TMEM30A: variants seen among roughly 807,000 people sequenced by gnomAD.
TMEM30A encodes the protein cell cycle control protein 50A.
TMEM30A carries 24 observed loss-of-function variants against 38.2 expected under a neutral mutation model. The observed-to-expected ratio is 0.63, with a 90% CI of 0.46 to 0.88. The LOEUF (loss-of-function observed/expected upper bound fraction) is 0.88. Ranked by LOEUF, TMEM30A falls within the 40% of genes least tolerant of loss-of-function variation. The pLI is 0.00. For missense variants in TMEM30A, 370 were observed against 458.6 expected, an observed-to-expected ratio of 0.81 and a Z score of 1.77; for synonymous variants, 145 against 161.6, an observed-to-expected ratio of 0.90 and a Z score of 0.78.
chr6:75,267,695 C>G lies in TMEM30A; in HGVS notation c.291G>C (p.Pro97=). The G allele has an allele frequency of 6.2e-7, 1 of 1,611,328 alleles. No individual in the cohort carries two copies. Among genetic ancestry groups the G allele is most frequent in the Non-Finnish European group, 8.5e-7 (1 of 1,178,764 alleles). The change falls in exon 2 of 7, where the codon CCG becomes CCC. Residue 97 remains proline, a synonymous_variant. Transcript: ENST00000230461. ...TGGTACAAAAGCAAGGTGTCACATC[C>G]GGAGATAAACATTTATTACAGGGAC... ...PSSPCNKCLS[P]DVTPCFCTIN...
intron 1 of TMEM30A, among the ~76,000 whole-genome samples, chr6:75,280,039 G>A (rs1195334023): frequency 6.6e-6 from 1 of 152,078 alleles, no homozygotes; most frequent in Non-Finnish European, 1.5e-5. Context: ...CCTTAATGAA[G>A]ACAAAAGGTA....
intron 1 of TMEM30A, among the ~76,000 whole-genome samples, chr6:75,271,700 G>C (rs938172998): frequency 2.0e-5 from 3 of 152,174 alleles, no homozygotes; most frequent in African/African-American, 7.2e-5. Flanking sequence ...CACACAAGTA[G>C]TAATAGCTAG....
At chr6:75,260,334 G>A (rs773995488) in intron 4 of TMEM30A, among the ~76,000 whole-genome samples, 3 of 151,914 alleles carry the variant, frequency 2.0e-5, no homozygotes, top group Non-Finnish European at 4.4e-5. Flanking sequence ...TGAACCCAGG[G>A]AGCAGAGGTT....
chr6:75,284,643 C>A lies in TMEM30A; in HGVS notation c.-5G>T. 6.2e-7 allele frequency: 1 copy of A among 1,611,998 alleles called. No individual in the cohort carries two copies. The highest frequency in any genetic ancestry group is 1.7e-5 in the Admixed American group (1 of 60,026). On this transcript the variant is annotated 5_prime_UTR_variant, in exon 1 of 7. Transcript: ENST00000230461. ...CGCGTTATAGTTCATCGCCATCGAT[C>A]CCTGGGGCGCCGCTCCGCGATTTGC...
intron 3 of TMEM30A, among the ~76,000 whole-genome samples, chr6:75,263,230 G>T (rs1366025398): frequency 6.6e-6 from 1 of 152,190 alleles, no homozygotes; most frequent in African/African-American, 2.4e-5. Flanking sequence ...ACTTATTTCT[G>T]TGAAGGTAAT....
At chr6:75,274,617 T>C (rs1772228808) in intron 1 of TMEM30A, among the ~76,000 whole-genome samples, 1 of 152,206 alleles carries the variant, frequency 6.6e-6, no homozygotes, top group Admixed American at 6.5e-5. Flanking sequence ...AGAGATGGGA[T>C]GAGGGCAAAT....
Position 75,256,298 on chromosome 6 carries a change from G to C in TMEM30A, c.893-3C>G. 6.2e-7 allele frequency: 1 copy of C among 1,608,066 alleles called. No homozygotes were observed. Among genetic ancestry groups the C allele is most frequent in the East Asian group, 2.2e-5 (1 of 44,752 alleles). ...ATCAAAATAATGTACAGGGTAATCT[G>C]AAGAGGGTATAGGAAGATTTTTCCA... is the stretch of plus-strand genomic sequence containing the variant. On this transcript the variant is annotated splice_region_variant and splice_polypyrimidine_tract_variant and intron_variant, in intron 6 of 6. Transcript: ENST00000230461.
intron 5 of TMEM30A, 115 bp from the exon 6 acceptor site, chr6:75,259,101 C>A: frequency 1.1e-6 from 1 of 948,296 alleles, no homozygotes; most frequent in South Asian, 1.7e-5. Flanking sequence ...AGAAGCTTTG[C>A]TGCAATTTTA....
At position 75,259,508 on chromosome 6, in the gene TMEM30A, A is replaced by G; in HGVS notation, c.542-18T>C. 1.3e-6 allele frequency: 2 copies of G among 1,578,284 alleles called. No homozygotes were observed. Among genetic ancestry groups the G allele is most frequent in the Admixed American group, 1.9e-5 (1 of 53,498 alleles). On this transcript the variant is annotated intron_variant, in intron 4 of 6. Coordinates refer to ENST00000230461, the MANE Select transcript of TMEM30A (RefSeq NM_018247.4). ...TAATGTATCTAAACACAAGCAAAGA[A>G]AGACATTACTAACTATCTCTTGAAA... is the stretch of plus-strand genomic sequence containing the variant.
chr6:75,283,127 A>G (rs1399647430), intron 1 of TMEM30A, among the ~76,000 whole-genome samples: 1 of 152,242 alleles, frequency 6.6e-6, no homozygotes, highest in Non-Finnish European at 1.5e-5. Context: ...TAGTTATTCT[A>G]TAGATACTAT....
chr6:75,283,400 G>GA (rs529658069), intron 1 of TMEM30A, among the ~76,000 whole-genome samples: 19 of 145,542 alleles, frequency 1.3e-4, no homozygotes, highest in East Asian at 9.9e-4. Flanking sequence ...AATAGATTTA[G>GA]AAAAAAAAAA....
In TMEM30A at chr6:75,254,438, G is replaced by A. The variant is rs1433962010; in HGVS notation, c.*1664C>T. On this transcript the variant is annotated 3_prime_UTR_variant, in exon 7 of 7. Coordinates refer to ENST00000230461, the MANE Select transcript of TMEM30A (RefSeq NM_018247.4). ...AGACAAAGAACACACCAAATACTCCGAAATTTCAGGATAACCATACATCAA... is the reference window on the plus strand; with the variant it reads ...AGACAAAGAACACACCAAATACTCCAAAATTTCAGGATAACCATACATCAA... 5 of 152,098 alleles carry A rather than the reference G, an allele frequency of 3.3e-5. No individual in the cohort carries two copies. The highest frequency in any genetic ancestry group is 2.1e-4 in the South Asian group (1 of 4,824). The allele number at this position is 152,098 out of a possible 1,614,324, so 9.4% of individuals were successfully genotyped here.
intron 1 of TMEM30A, 130 bp from the exon 2 acceptor site, chr6:75,267,878 T>C (rs2149521172): frequency 2.1e-6 from 1 of 479,298 alleles, no homozygotes; most frequent in Non-Finnish European, 3.6e-6. Flanking sequence ...AAAACTGTTT[T>C]TAAGGTCATC....
At chr6:75,275,473 CAT>C (rs1772244862) in intron 1 of TMEM30A, among the ~76,000 whole-genome samples, 1 of 152,198 alleles carries the variant, frequency 6.6e-6, no homozygotes, top group Non-Finnish European at 1.5e-5. Context: ...TCCCCCACCA[CAT>C]CCTCTTACTA....
chr6:75,262,584 G>C (rs1433034999), intron 3 of TMEM30A, among the ~76,000 whole-genome samples: 1 of 151,756 alleles, frequency 6.6e-6, no homozygotes, highest in Non-Finnish European at 1.5e-5. Flanking sequence ...AGAAGTTGCA[G>C]TGAGCCGAGA....
chr6:75,260,269 G>A (rs148928524), intron 4 of TMEM30A, among the ~76,000 whole-genome samples: 1,665 of 152,088 alleles, frequency 0.011, 26 homozygotes, highest in African/African-American at 0.037. Flanking sequence ...AGCCAGGCGT[G>A]GTTGCGGGCG....
chr6:75,259,739 A>G (rs1444462291), intron 4 of TMEM30A, among the ~76,000 whole-genome samples: 11 of 152,186 alleles, frequency 7.2e-5, no homozygotes, highest in Admixed American at 7.2e-4. Flanking sequence ...ATGCAGTAAG[A>G]TCAAATGTTT....
At chr6:75,268,029 C>T (rs896012918) in intron 1 of TMEM30A, among the ~76,000 whole-genome samples, 1 of 152,130 alleles carries the variant, frequency 6.6e-6, no homozygotes, top group African/African-American at 2.4e-5. Flanking sequence ...TTCAAAACTG[C>T]ATATTTACAT....
intron 1 of TMEM30A, 79 bp downstream of exon 1, chr6:75,284,323 G>T (rs1418825644): frequency 7.2e-7 from 1 of 1,380,462 alleles, no homozygotes; most frequent in Non-Finnish European, 1.0e-6. Flanking sequence ...GATTCTGGGC[G>T]CTGGGAAAGA....
Sources: allele counts gnomAD v4.1 joint callset (sites outside exome capture counted in the v4.1 genomes callset), GRCh38; gene constraint gnomAD v4.1.1; transcripts MANE v1.5; gene names NCBI Gene and HGNC (gene_info 2026-07-23, HGNC 2026-07-21).